TEX11: variants seen among roughly 807,000 people sequenced by gnomAD.
TEX11 encodes the protein testis-expressed protein 11.
Under a neutral mutation model 84.4 loss-of-function variants are expected in TEX11, and 7 were observed. The ratio of observed to expected loss-of-function variants is 0.08; its 90% CI spans 0.05 to 0.16. The LOEUF (loss-of-function observed/expected upper bound fraction) is 0.16, where lower values mean the gene tolerates loss of function less well. Among genes scored for constraint, TEX11 ranks in the 10% least tolerant of loss-of-function variants. TEX11 has a pLI of 1.00. For synonymous variants in TEX11, 264 were observed against 222.8 expected (o/e 1.18, Z -1.64); for missense variants, 551 against 660.5 (o/e 0.83, Z 1.82).
intron 7 of TEX11, among the ~76,000 whole-genome samples, chrX:70,845,114 T>C (rs1166556874): frequency 2.7e-5 from 3 of 111,896 alleles, no homozygotes. Context: ...GGATGAAGAA[T>C]GCAAAATGGT....
chrX:70,626,519 C>G (rs12687862), intron 18 of TEX11, among the ~76,000 whole-genome samples: 6,091 of 111,150 alleles, frequency 0.055, 346 homozygotes, highest in African/African-American at 0.16. Context: ...CAGTTTTTCA[C>G]TGTCCCTCAT....
chrX:70,731,592 A>G (rs1239324437), intron 11 of TEX11, among the ~76,000 whole-genome samples: 1 of 111,747 alleles, frequency 8.9e-6, no homozygotes, highest in Non-Finnish European at 1.9e-5. Context: ...CACCCTCCCA[A>G]GACTAAACCA....
At chrX:70,680,229 C>T (rs2090134714) in intron 14 of TEX11, among the ~76,000 whole-genome samples, 2 of 94,700 alleles carry the variant, frequency 2.1e-5, no homozygotes. Context: ...TCATTTTGTT[C>T]TGTACTAAGA....
intron 9 of TEX11, among the ~76,000 whole-genome samples, chrX:70,797,938 A>G (rs1351224594): frequency 1.0e-5 from 1 of 96,701 alleles, no homozygotes; most frequent in East Asian, 3.3e-4. Context: ...CCTCTAACAT[A>G]GGAAAAAAGC....
At chrX:70,869,091 A>ATAAAATAAAG (rs2091616489) in intron 4 of TEX11, among the ~76,000 whole-genome samples, 1 of 104,039 alleles carries the variant, frequency 9.6e-6, no homozygotes, top group African/African-American at 3.6e-5. Context: ...ATAAAATAAA[A>ATAAAATAAAG]TAAAATAAAA....
At chrX:70,734,471 A>G (rs765421711) in intron 11 of TEX11, among the ~76,000 whole-genome samples, 4 of 111,510 alleles carry the variant, frequency 3.6e-5, no homozygotes, top group Non-Finnish European at 5.6e-5. Context: ...CATAAATTCT[A>G]TTATCTGTTT....
chrX:70,894,167 C>T (rs1401314839), intron 2 of TEX11, among the ~76,000 whole-genome samples: 3 of 110,985 alleles, frequency 2.7e-5, no homozygotes, highest in Non-Finnish European at 3.8e-5. Flanking sequence ...GGTACCATTC[C>T]TTCCGAAACT....
At chrX:70,591,885 A>G in intron 24 of TEX11, 62 bp from the exon 25 acceptor site, 1 of 722,466 alleles carries the variant, frequency 1.4e-6, no homozygotes, top group Non-Finnish European at 2.1e-6. Flanking sequence ...AAGCAAATTA[A>G]TATAATCTCA....
chrX:70,852,361 T>A (rs963452459), intron 7 of TEX11, among the ~76,000 whole-genome samples: 5 of 111,208 alleles, frequency 4.5e-5, no homozygotes, highest in African/African-American at 1.6e-4. Context: ...TTTTCACTTT[T>A]ATTTTTTGGT....
chrX:70,585,975 C>T (rs1302511151), intron 25 of TEX11, among the ~76,000 whole-genome samples: 1 of 112,645 alleles, frequency 8.9e-6, no homozygotes, highest in Non-Finnish European at 1.9e-5. Flanking sequence ...TCACTTGAAC[C>T]AGGGAGGAGG....
chrX:70,619,294 C>A (rs891748816), intron 20 of TEX11, among the ~76,000 whole-genome samples: 3 of 111,061 alleles, frequency 2.7e-5, no homozygotes, highest in Non-Finnish European at 3.8e-5. Context: ...GTGTCTTTAC[C>A]CTATCTAGCA....
intron 4 of TEX11, among the ~76,000 whole-genome samples, chrX:70,869,382 C>A (rs2091618769): frequency 9.1e-6 from 1 of 110,183 alleles, no homozygotes; most frequent in Admixed American, 9.8e-5. Context: ...GATTGACAAG[C>A]TTCTTGAATT....
intron 9 of TEX11, among the ~76,000 whole-genome samples, chrX:70,768,314 TTAA>T (rs772222898): frequency 1.2e-4 from 13 of 110,606 alleles, no homozygotes; most frequent in Non-Finnish European, 2.3e-4. Context: ...GCCAAAATAA[TTAA>T]TAATAATAGA....
At chrX:70,528,623 GC>G (rs1303577543), downstream of TEX11, among the ~76,000 whole-genome samples, 2 of 110,765 alleles carry the variant, frequency 1.8e-5, no homozygotes, top group Non-Finnish European at 3.8e-5. Context: ...ACTACGCCTG[GC>G]CTGGAATAAG....
chrX:70,814,230 C>T (rs1243695701), intron 8 of TEX11, among the ~76,000 whole-genome samples: 2 of 111,981 alleles, frequency 1.8e-5, no homozygotes, highest in East Asian at 5.6e-4. Flanking sequence ...ACCAAAACAG[C>T]ATGGTACTGG....
At chrX:70,649,648 C>G (rs1045905516) in intron 17 of TEX11, among the ~76,000 whole-genome samples, 5 of 111,856 alleles carry the variant, frequency 4.5e-5, no homozygotes, top group African/African-American at 1.6e-4. Context: ...GTGGTGCACA[C>G]CTGTAGTCCC....
intron 25 of TEX11, among the ~76,000 whole-genome samples, chrX:70,569,690 G>T (rs915681347): frequency 2.7e-5 from 3 of 111,834 alleles, no homozygotes; most frequent in Non-Finnish European, 3.8e-5. Context: ...CTGTTTGCCT[G>T]GGTACCAGCA....
At chrX:70,897,919 TTAAAA>T (rs2091782274) in intron 2 of TEX11, among the ~76,000 whole-genome samples, 1 of 111,437 alleles carries the variant, frequency 9.0e-6, no homozygotes, top group Admixed American at 9.6e-5. Context: ...TTATAATTGA[TTAAAA>T]TAAAGCATGG....
intron 24 of TEX11, among the ~76,000 whole-genome samples, chrX:70,593,372 T>A (rs767789960): frequency 9.0e-6 from 1 of 111,474 alleles, no homozygotes; most frequent in African/African-American, 3.3e-5. Flanking sequence ...ACTAAACAAA[T>A]AAAGAAGCAA....
Sources: gnomAD v4.1 joint callset for allele counts (sites outside exome capture counted in the v4.1 genomes callset) on GRCh38, gnomAD v4.1.1 for gene constraint, MANE v1.5 for transcripts, NCBI Gene and HGNC (gene_info 2026-07-23, HGNC 2026-07-21) for gene names.